GIPR: variants seen among roughly 807,000 people sequenced by gnomAD.
GIPR encodes the protein gastric inhibitory polypeptide receptor, also known as GIP-R.
Under a neutral mutation model 62.2 loss-of-function variants are expected in GIPR, and 74 were observed. The ratio of observed to expected loss-of-function variants is 1.19; its 90% CI spans 0.99 to 1.44. The LOEUF (loss-of-function observed/expected upper bound fraction) is 1.44, where lower values mean the gene tolerates loss of function less well. GIPR is among the 40% of genes most tolerant of loss of function. GIPR has a pLI of 0.00. For synonymous variants in GIPR, 256 were observed against 262.2 expected, an observed-to-expected ratio of 0.98 and a Z score of 0.23; for missense variants, 664 against 611.8, an observed-to-expected ratio of 1.09 and a Z score of -0.90.
At chr19:45,677,268 G>A (rs1466728334) in intron 8 of GIPR, 55 bp from the exon 9 acceptor site, 1 of 1,403,608 alleles carries the variant, frequency 7.1e-7, no homozygotes, top group Non-Finnish European at 9.8e-7. Context: ...GGCGGGGCCC[G>A]TGAGCGCGCT....
chr19:45,673,947 G>A (rs1354437883), intron 5 of GIPR, 127 bp from the exon 6 acceptor site: 2 of 766,698 alleles, frequency 2.6e-6, no homozygotes, highest in Non-Finnish European at 2.4e-6. Flanking sequence ...TCAAATAAGG[G>A]TAAGCAGTTC....
intron 4 of GIPR, 31 bp downstream of exon 4, chr19:45,671,423 C>T: frequency 7.2e-7 from 1 of 1,386,190 alleles, no homozygotes; most frequent in East Asian, 2.3e-5. Flanking sequence ...GGAGCCCTCC[C>T]CAGACACAAA....
chr19:45,673,491 A>G (rs1355042829), intron 5 of GIPR, among the ~76,000 whole-genome samples: 3 of 151,828 alleles, frequency 2.0e-5, no homozygotes, highest in East Asian at 3.9e-4. Flanking sequence ...TATAATTCCA[A>G]CACTTTGAGA....
intron 4 of GIPR, among the ~76,000 whole-genome samples, chr19:45,672,188 A>T (rs182928812): frequency 2.4e-4 from 33 of 136,586 alleles, no homozygotes; most frequent in African/African-American, 6.4e-4. Context: ...AATTTTTTTT[A>T]AAAAATTGGC....
intron 3 of GIPR, 51 bp from the exon 4 acceptor site, chr19:45,671,234 C>T (rs892843255): frequency 2.8e-6 from 3 of 1,058,612 alleles, no homozygotes; most frequent in East Asian, 2.4e-5. Context: ...TAGCACTTGG[C>T]CCACTGCGCA....
Position 45,677,359 on chromosome 19 carries a change from T to A in GIPR, c.830T>A (p.Val277Asp), listed in dbSNP as rs1272063997. ...PALFVIPWVI[V>D]RYLYENTQCW... The stretch of plus-strand genomic sequence containing the variant: ...CTTTTCGTCATTCCCTGGGTGATCG[T>A]CAGGTACCTGTACGAGAACACGCAG... The change falls in exon 9 of 14, where the codon GTC (valine) becomes GAC (aspartate). Residue 277 changes from valine (V) to aspartate (D), a missense_variant. Coordinates refer to ENST00000590918, the MANE Select transcript of GIPR (RefSeq NM_000164.4). 2.1e-5 allele frequency: 33 copies of A among 1,601,806 alleles called. No homozygotes were observed. The highest frequency in any genetic ancestry group is 2.7e-5 in the Non-Finnish European group (32 of 1,171,704).
chr19:45,671,219 C>G (rs1347500335), intron 3 of GIPR, 66 bp from the exon 4 acceptor site: 1 of 910,452 alleles, frequency 1.1e-6, no homozygotes, highest in African/African-American at 1.6e-5. Flanking sequence ...TGGCCCACTG[C>G]GCAGTAGCAC....
intron 1 of GIPR, 141 bp from the exon 2 acceptor site, chr19:45,669,336 G>T: frequency 1.3e-6 from 1 of 766,090 alleles, no homozygotes. Flanking sequence ...TGGGAGTTGC[G>T]GGAGCGGGTG....
At chr19:45,673,030 A>T in intron 5 of GIPR, 76 bp downstream of exon 5, 2 of 857,522 alleles carry the variant, frequency 2.3e-6, no homozygotes, top group Non-Finnish European at 4.1e-6. Context: ...AGGGCCTGAA[A>T]CCCCTTGGAC....
At chr19:45,670,771 G>A (rs771111683) in intron 3 of GIPR, 37 bp downstream of exon 3, 3 of 1,268,028 alleles carry the variant, frequency 2.4e-6, no homozygotes, top group East Asian at 2.4e-5. Flanking sequence ...GGGAGGACCT[G>A]AGGCTGAGAG....
rs1312546858 is a variant in GIPR at position 45,672,640 on chromosome 19, A to T, written c.281-211A>T. The T allele has an allele frequency of 1.3e-5, 7 of 530,402 alleles. No homozygotes were observed. The East Asian group carries it at 2.4e-4, about 18-fold the overall frequency. 32.9% of individuals were successfully genotyped at this position (530,402 alleles called of 1,614,324 possible). On this transcript the variant is annotated intron_variant, in intron 4 of 13. Coordinates refer to ENST00000590918, the MANE Select transcript of GIPR (RefSeq NM_000164.4). Reference sequence around the variant, plus strand: ...GTACCTCAATTTTCCCATATGTAGAACTAGGTTAAGGATATTACTAATTCC... The same window carrying T: ...GTACCTCAATTTTCCCATATGTAGATCTAGGTTAAGGATATTACTAATTCC...
At position 45,671,403 on chromosome 19, in the gene GIPR, C is replaced by T. The variant is rs772304379; in HGVS notation, c.280+11C>T. 2.6e-6 allele frequency: 4 copies of T among 1,552,344 alleles called. No homozygotes were observed. The Admixed American group carries it at 5.0e-5, about 19-fold the overall frequency. ...CCTGGCACCACCATGGTGAGGTGCT[C>T]CCTGGGCCCGGAGCCCTCCCCAGAC... is the stretch of plus-strand genomic sequence containing the variant. On this transcript the variant is annotated intron_variant, in intron 4 of 13. Transcript: ENST00000590918.
chr19:45,672,427 C>G (rs2146074663), intron 4 of GIPR, among the ~76,000 whole-genome samples: 1 of 152,146 alleles, frequency 6.6e-6, no homozygotes, highest in Middle Eastern at 3.4e-3. Context: ...CTGCCTCAGC[C>G]TCCTGAGTAG....
At chr19:45,679,923 C>T (rs1243741702) in intron 12 of GIPR, among the ~76,000 whole-genome samples, 1 of 152,126 alleles carries the variant, frequency 6.6e-6, no homozygotes, top group Non-Finnish European at 1.5e-5. Context: ...GTGCCCACTA[C>T]CACGCCTGGC....
chr19:45,670,854 CG>C, intron 3 of GIPR, 120 bp downstream of exon 3: 1 of 658,682 alleles, frequency 1.5e-6, no homozygotes. Flanking sequence ...TGGAGAGGCC[CG>C]GGGACTGACC....
Position 45,681,862 on chromosome 19 carries a change from G to T in GIPR, c.1328G>T (p.Ser443Ile). 6.4e-7 allele frequency: 1 copy of T among 1,554,302 alleles called. No individual in the cohort carries two copies. Among genetic ancestry groups the T allele is most frequent in the East Asian group, 2.4e-5 (1 of 41,552 alleles). ...TCCGGCCCGGGCGAGGTCCCCACCA[G>T]CCGCGGCTTGTCCTCGGGGACCCTC... is the stretch of plus-strand genomic sequence containing the variant. ...SGSGPGEVPT[S>I]RGLSSGTLPG... Residue 443 changes from serine (S) to isoleucine (I), a missense_variant, in exon 14 of 14, where the codon AGC (serine) becomes ATC (isoleucine). Coordinates refer to ENST00000590918, the MANE Select transcript of GIPR (RefSeq NM_000164.4).
chr19:45,673,929 A>G, intron 5 of GIPR, 145 bp from the exon 6 acceptor site: 1 of 734,272 alleles, frequency 1.4e-6, no homozygotes, highest in Non-Finnish European at 2.5e-6. Context: ...GGGTGGAGTC[A>G]GCCCTTCTCA....
At chr19:45,678,064 A>G (rs1299163354) in intron 11 of GIPR, 24 bp from the exon 12 acceptor site, 10 of 1,611,806 alleles carry the variant, frequency 6.2e-6, no homozygotes, top group Non-Finnish European at 8.5e-6. Context: ...CTGCGGGATC[A>G]CTGCTGCCGC....
At chr19:45,669,109 G>A (rs925148323) in intron 1 of GIPR, among the ~76,000 whole-genome samples, 2 of 116,756 alleles carry the variant, frequency 1.7e-5, no homozygotes, top group African/African-American at 6.9e-5. Flanking sequence ...GGCGGTCCCC[G>A]GGTTCCCAGG....
Sources: allele counts gnomAD v4.1 joint callset (sites outside exome capture counted in the v4.1 genomes callset), GRCh38; gene constraint gnomAD v4.1.1; transcripts MANE v1.5; gene names NCBI Gene and HGNC (gene_info 2026-07-23, HGNC 2026-07-21).